Variants in KIF6 observed in about 807,000 individuals in gnomAD.
The protein encoded by KIF6 is kinesin family member 6, also known as kinesin-like protein KIF6.
Under a neutral mutation model 112.7 loss-of-function variants are expected in KIF6, and 106 were observed. The ratio of observed to expected loss-of-function variants is 0.94; its 90% CI spans 0.80 to 1.11. The LOEUF is 1.11. Among genes scored for constraint, KIF6 ranks in the 50% least tolerant of loss-of-function variants. The probability of loss-of-function intolerance (pLI) is 0.00; values close to 1 mark genes in which losing one functional copy is unlikely to be tolerated. For synonymous variants in KIF6, 339 were observed against 339.9 expected (o/e 1.00, Z 0.03); for missense variants, 929 against 964.0 (o/e 0.96, Z 0.48).
chr6:39,498,241 A>T (rs1167606349), intron 13 of KIF6, among the ~76,000 whole-genome samples: 10 of 152,210 alleles, frequency 6.6e-5, no homozygotes, highest in Non-Finnish European at 5.9e-5. Context: ...AGAACTCATG[A>T]TGAAAACACC....
chr6:39,343,593 C>A lies in KIF6; in HGVS notation c.2428+116G>T. 1 of 1,151,702 alleles carries A rather than the reference C, an allele frequency of 8.7e-7. No homozygotes were observed. The highest frequency in any genetic ancestry group is 1.2e-6 in the Non-Finnish European group (1 of 816,910). The allele number at this position is 1,151,702 out of a possible 1,614,324, so 71.3% of individuals were successfully genotyped here. On this transcript the variant is annotated intron_variant, in intron 22 of 22. Coordinates refer to ENST00000287152, the MANE Select transcript of KIF6 (RefSeq NM_145027.6). This position sits in a 1 kb window ranked among gnomAD's most constrained non-coding sequence, Gnocchi z 4.1. ...CATGTGACTGACAGGCAGGCCAGTC[C>A]TGTGGCTTCAGGAATATGCAGGAAA...
At chr6:39,355,314 A>G (rs1764559776) in intron 19 of KIF6, among the ~76,000 whole-genome samples, 1 of 152,136 alleles carries the variant, frequency 6.6e-6, no homozygotes, top group African/African-American at 2.4e-5. Context: ...CTTTAAGTAT[A>G]AAAACAAAGT....
chr6:39,337,811 C>T (rs921791006), intron 22 of KIF6, among the ~76,000 whole-genome samples: 2 of 152,204 alleles, frequency 1.3e-5, no homozygotes, highest in Non-Finnish European at 2.9e-5. Context: ...AGTCCCCAAC[C>T]CACGGTGTGA....
intron 5 of KIF6, among the ~76,000 whole-genome samples, chr6:39,624,994 G>T (rs1293172367): frequency 7.6e-6 from 1 of 131,842 alleles, no homozygotes; most frequent in Admixed American, 9.5e-5. Context: ...ATGAGGGTGG[G>T]GTCCCAATCC....
chr6:39,506,000 T>C (rs1247579323), intron 13 of KIF6, among the ~76,000 whole-genome samples: 1 of 152,220 alleles, frequency 6.6e-6, no homozygotes, highest in East Asian at 1.9e-4. Context: ...ATCCCATTAC[T>C]GGGTATATAC....
intron 10 of KIF6, among the ~76,000 whole-genome samples, chr6:39,571,830 C>A (rs1165092269): frequency 6.6e-6 from 1 of 152,172 alleles, no homozygotes; most frequent in East Asian, 1.9e-4. Flanking sequence ...TTGCTATATG[C>A]AAACTCCTAT....
intron 5 of KIF6, among the ~76,000 whole-genome samples, chr6:39,628,237 C>T (rs112517098): frequency 0.02 from 3,024 of 151,860 alleles, 54 homozygotes; most frequent in Non-Finnish European, 0.029. Context: ...TTTGCTTGTA[C>T]TCATTTACGT....
chr6:39,547,165 A>G (rs112746980), intron 10 of KIF6, among the ~76,000 whole-genome samples: 241 of 152,324 alleles, frequency 1.6e-3, no homozygotes, highest in African/African-American at 5.6e-3. Flanking sequence ...AACTGTATCT[A>G]CACATTTCTC....
At chr6:39,686,959 T>C (rs938221507) in intron 3 of KIF6, among the ~76,000 whole-genome samples, 3 of 152,192 alleles carry the variant, frequency 2.0e-5, no homozygotes, top group African/African-American at 7.2e-5. Flanking sequence ...ATTTTTAGTA[T>C]TTTAGCATGA....
intron 3 of KIF6, among the ~76,000 whole-genome samples, chr6:39,665,885 C>T (rs979039979): frequency 5.9e-5 from 9 of 152,256 alleles, no homozygotes; most frequent in Non-Finnish European, 1.3e-4. Flanking sequence ...GTTTTGGGTA[C>T]ATGGAAATCC....
chr6:39,560,368 C>G (rs547219679), intron 10 of KIF6, among the ~76,000 whole-genome samples: 2 of 152,292 alleles, frequency 1.3e-5, no homozygotes, highest in Non-Finnish European at 2.9e-5. Flanking sequence ...CCTTAGGGGG[C>G]CAGAATTTGT....
intron 13 of KIF6, among the ~76,000 whole-genome samples, chr6:39,532,244 C>T (rs1489851553): frequency 6.6e-6 from 1 of 152,066 alleles, no homozygotes; most frequent in Non-Finnish European, 1.5e-5. Context: ...TGGAATAAAA[C>T]AAGAACTTAT....
intron 13 of KIF6, among the ~76,000 whole-genome samples, chr6:39,460,254 C>T (rs1006912395): frequency 5.0e-5 from 6 of 119,258 alleles, no homozygotes; most frequent in African/African-American, 1.7e-4. Flanking sequence ...AACCATCATT[C>T]TCAGTAAACT....
rs561544646 is a variant in KIF6, at chr6:39,680,801, C to T, written c.251+33891G>A. 1.0e-3 allele frequency among the ~76,000 whole-genome samples: 154 copies of T among 152,242 alleles called. 2 individuals are homozygous for T. Among genetic ancestry groups the T allele is most frequent in the South Asian group, 4.2e-3 (20 of 4,818 alleles). On this transcript the variant is annotated intron_variant, in intron 3 of 22. Transcript: ENST00000287152. ...TAGCTACAGAAGTGGTGCTACCATTCCATAAACATGTATTTAAAACCCTTT... is the reference window on the plus strand; with the variant it reads ...TAGCTACAGAAGTGGTGCTACCATTTCATAAACATGTATTTAAAACCCTTT...
chr6:39,359,596 A>ATTG (rs1276802197), intron 18 of KIF6, among the ~76,000 whole-genome samples: 6 of 152,016 alleles, frequency 3.9e-5, no homozygotes, highest in Admixed American at 1.3e-4. Flanking sequence ...TATTATTATT[A>ATTG]TTATTTTGAG....
chr6:39,724,313 C>A (rs1251066178), intron 1 of KIF6, among the ~76,000 whole-genome samples: 2 of 152,020 alleles, frequency 1.3e-5, no homozygotes, highest in Non-Finnish European at 2.9e-5. Context: ...ATTAACCGGG[C>A]GTGGTGGCGG....
At chr6:39,352,771 T>G (rs1007857334) in intron 19 of KIF6, among the ~76,000 whole-genome samples, 2 of 152,058 alleles carry the variant, frequency 1.3e-5, no homozygotes, top group South Asian at 2.1e-4. Flanking sequence ...CCTTGGCAAA[T>G]TTTTGTATTT....
chr6:39,379,783 C>T (rs940701850), intron 16 of KIF6, among the ~76,000 whole-genome samples: 1 of 152,202 alleles, frequency 6.6e-6, no homozygotes, highest in Admixed American at 6.5e-5. Context: ...CTGTGGATTC[C>T]ATGATGCCTG....
intron 13 of KIF6, among the ~76,000 whole-genome samples, chr6:39,466,255 TCTTC>T (rs1371618730): frequency 3.3e-5 from 5 of 152,146 alleles, no homozygotes; most frequent in South Asian, 2.1e-4. Flanking sequence ...CTTCTCTCCT[TCTTC>T]CTTCCTTCAA....
Sources: allele counts gnomAD v4.1 joint callset (sites outside exome capture counted in the v4.1 genomes callset), GRCh38; gene constraint gnomAD v4.1.1; non-coding constraint Gnocchi (gnomAD v3.1); transcripts MANE v1.5; gene names NCBI Gene and HGNC (gene_info 2026-07-23, HGNC 2026-07-21).